Variants in BRCA2 observed in about 807,000 individuals in gnomAD.
BRCA2 encodes the protein BRCA2 DNA repair associated.
In BRCA2, 203 loss-of-function variants were observed where a neutral mutation model predicts 276.7. The observed-to-expected ratio is 0.73, with a 90% CI of 0.65 to 0.82. BRCA2 has a LOEUF of 0.82. Ranked by LOEUF, BRCA2 falls within the 40% of genes least tolerant of loss-of-function variation. The pLI is 0.00. For missense variants in BRCA2, 3,920 were observed against 3,915.0 expected, an observed-to-expected ratio of 1.00 and a Z score of -0.03; for synonymous variants, 1,289 against 1,338.4, an observed-to-expected ratio of 0.96 and a Z score of 0.81.
chr13:32,388,763 G>T (rs933169282), intron 24 of BRCA2, among the ~76,000 whole-genome samples: 1 of 150,550 alleles, frequency 6.6e-6, no homozygotes, highest in South Asian at 2.1e-4. Context: ...TATCTGTTTC[G>T]ATCCTTTTGT....
rs80359362 is a variant in BRCA2, at chr13:32,319,296, AAGAATT to A, written c.291_296del (p.Glu97_Leu98del). The stretch of plus-strand genomic sequence containing the variant: ...CTGCCGCTGTACCAATCTCCTGTAA[AAGAATT>A]AGATAAATTCAAATTAGACTTAGGT... On this transcript the variant is annotated inframe_deletion, in exon 3 of 27. Transcript: ENST00000380152. 13 of 1,613,832 alleles carry A rather than the reference AAGAATT, an allele frequency of 8.1e-6. No individual in the cohort carries two copies. The highest frequency in any genetic ancestry group is 1.1e-5 in the Non-Finnish European group (13 of 1,179,824).
intron 17 of BRCA2, 80 bp from the exon 18 acceptor site, chr13:32,363,099 C>T (rs2137579105): frequency 1.7e-6 from 2 of 1,198,774 alleles, no homozygotes; most frequent in African/African-American, 1.5e-5. Context: ...TTTTTATTCT[C>T]AGTTATTCAG....
intron 9 of BRCA2, 122 bp downstream of exon 9, chr13:32,331,152 G>A (rs1014624777): frequency 1.1e-5 from 8 of 702,210 alleles, no homozygotes; most frequent in Admixed American, 2.4e-5. Context: ...TCTGCCTCCC[G>A]TGCTCAAGCG....
chr13:32,375,084 A>G (rs2072862147), intron 20 of BRCA2, among the ~76,000 whole-genome samples: 1 of 152,212 alleles, frequency 6.6e-6, no homozygotes, highest in African/African-American at 2.4e-5. Context: ...CTTTTAAGCC[A>G]TCAGATCTTG....
rs186810431 is a variant in BRCA2 at position 32,344,639 on chromosome 13, A to C, written c.6923A>C (p.Lys2308Thr). 1 of 1,569,368 alleles carries C rather than the reference A, an allele frequency of 6.4e-7. No homozygotes were observed. Among genetic ancestry groups the C allele is most frequent in the Admixed American group, 1.7e-5 (1 of 59,864 alleles). ...CAAGAAAAATCCTTAAAGGCTTCAA[A>C]AAGCACTCCAGATGGTAAAATTAGC... ...ENQEKSLKAS[K>T]STPDGTIKDR... The change falls in exon 12 of 27, where the codon AAA becomes ACA. Residue 2308 changes from lysine to threonine, a missense_variant. Physicochemically the swap from Lys to Thr is moderately conservative, Grantham distance 78. Around this residue, in one of 2 missense-constraint regions of BRCA2, gnomAD observed 3,263 missense variants for 3,156.9 expected, o/e 1.03. Transcript: ENST00000380152.
intron 20 of BRCA2, among the ~76,000 whole-genome samples, chr13:32,371,401 C>G (rs769633775): frequency 2.0e-5 from 3 of 151,696 alleles, no homozygotes; most frequent in Non-Finnish European, 2.9e-5. Flanking sequence ...GGAACTAGGA[C>G]CTATTGTGGT....
chr13:32,385,241 CA>C (rs2072951135), intron 24 of BRCA2: 2 of 191,702 alleles, frequency 1.0e-5, no homozygotes, highest in African/African-American at 4.7e-5. Flanking sequence ...TTTAAATTAG[CA>C]ACGGGGGATC....
rs2072875390 is a variant in BRCA2 at position 32,376,733 on chromosome 13, A to G, written c.8696A>G (p.Gln2899Arg). 6.2e-7 allele frequency: 1 copy of G among 1,614,162 alleles called. No homozygotes were observed. The highest frequency in any genetic ancestry group is 1.1e-5 in the South Asian group (1 of 91,068). The change falls in exon 21 of 27, where the codon CAA becomes CGA. Residue 2899 changes from glutamine (Q) to arginine (R), a missense_variant. By Grantham distance (43) the Gln-to-Arg change is conservative. Coordinates refer to ENST00000380152, the MANE Select transcript of BRCA2 (RefSeq NM_000059.4). The part of the protein sequence containing the change: ...ALTRQQVRAL[Q>R]DGAELYEAVK... ...ACAAGACAGCAAGTTCGTGCTTTGC[A>G]AGATGGTGCAGAGCTTTATGAAGCA...
At chr13:32,382,322 G>A (rs1432824741) in intron 24 of BRCA2, among the ~76,000 whole-genome samples, 1 of 152,134 alleles carries the variant, frequency 6.6e-6, no homozygotes, top group Non-Finnish European at 1.5e-5. Context: ...AGATAGAGAC[G>A]GGAAGAGATC....
intron 24 of BRCA2, among the ~76,000 whole-genome samples, chr13:32,391,017 A>G (rs2072993340): frequency 6.6e-6 from 1 of 152,220 alleles, no homozygotes; most frequent in Non-Finnish European, 1.5e-5. Flanking sequence ...TTCAGGCCCT[A>G]AAGCTCTTAG....
Position 32,357,775 on chromosome 13 carries a change from A to C in BRCA2, c.7651A>C (p.Lys2551Gln), listed in dbSNP as rs398122587. Reference sequence around the variant, plus strand: ...GTATGGCGTTTCTAAACATTGCATAAAAATTAACAGCAAAAATGCAGAGTC... The same window carrying C: ...GTATGGCGTTTCTAAACATTGCATACAAATTAACAGCAAAAATGCAGAGTC... ...YTYGVSKHCI[K>Q]INSKNAESFQ... The change falls in exon 16 of 27, where the codon AAA (lysine) becomes CAA (glutamine). Residue 2551 changes from lysine to glutamine, a missense_variant. Lys to Gln is a moderately conservative substitution (Grantham distance 53, BLOSUM62 1). This residue lies in a region of BRCA2 where 3,263 missense variants were observed against 3,156.9 expected (regional missense o/e 1.03). Transcript: ENST00000380152. 7 of 1,613,780 alleles carry C rather than the reference A, an allele frequency of 4.3e-6. No homozygotes were observed. The highest frequency in any genetic ancestry group is 3.3e-4 in the Middle Eastern group (2 of 6,060).
chr13:32,387,866 G>T (rs999242119), intron 24 of BRCA2, among the ~76,000 whole-genome samples: 4 of 152,096 alleles, frequency 2.6e-5, no homozygotes, highest in Non-Finnish European at 4.4e-5. Flanking sequence ...CACGTGAATT[G>T]CTTCACCTTT....
chr13:32,374,760 C>T (rs2072859265), intron 20 of BRCA2, among the ~76,000 whole-genome samples: 1 of 152,210 alleles, frequency 6.6e-6, no homozygotes, highest in Non-Finnish European at 1.5e-5. Context: ...CCCACATCTT[C>T]CTGTCTTCTT....
At chr13:32,345,692 G>A (rs996478835) in intron 12 of BRCA2, among the ~76,000 whole-genome samples, 7 of 151,942 alleles carry the variant, frequency 4.6e-5, no homozygotes, top group Admixed American at 4.6e-4. Context: ...GATATCTGGG[G>A]ATAGGACTCA....
Position 32,338,366 on chromosome 13 carries a change from T to C in BRCA2, c.4011T>C (p.Asp1337=). Residue 1337 remains aspartate (D), a synonymous_variant, in exon 11 of 27, where the codon GAT becomes GAC. Coordinates refer to ENST00000380152, the MANE Select transcript of BRCA2 (RefSeq NM_000059.4). ...ASRNSHNLEF[D]GSDSSKNDTV... Reference sequence around the variant, plus strand: ...GAAATTCTCATAACTTAGAATTTGATGGCAGTGATTCAAGTAAAAATGATA... The same window carrying C: ...GAAATTCTCATAACTTAGAATTTGACGGCAGTGATTCAAGTAAAAATGATA... 1 of 1,588,034 alleles carries C rather than the reference T, an allele frequency of 6.3e-7. No individual in the cohort carries two copies. The highest frequency in any genetic ancestry group is 8.5e-7 in the Non-Finnish European group (1 of 1,169,686).
chr13:32,338,192 T>A lies in BRCA2; in HGVS notation c.3837T>A (p.Asn1279Lys), dbSNP rs1555283421. ...VVSMFKIENH[N>K]DKTVSEKNNK... ...CAATGTTTAAGATAGAAAATCATAA[T>A]GATAAAACTGTAAGTGAAAAAAATA... The change falls in exon 11 of 27, where the codon AAT (asparagine) becomes AAA (lysine). Residue 1279 changes from asparagine (N) to lysine (K), a missense_variant. By Grantham distance (94) the Asn-to-Lys change is moderately conservative. Coordinates refer to ENST00000380152, the MANE Select transcript of BRCA2 (RefSeq NM_000059.4). 1 of 1,557,670 alleles carries A rather than the reference T, an allele frequency of 6.4e-7. No homozygotes were observed. The highest frequency in any genetic ancestry group is 8.7e-7 in the Non-Finnish European group (1 of 1,151,058).
At position 32,337,437 on chromosome 13, in the gene BRCA2, A is replaced by C; in HGVS notation, c.3082A>C (p.Lys1028Gln). The part of the protein sequence containing the change: ...KLSEHNIKKS[K>Q]MFFKDIEEQY... ...CTCTGAACATAACATTAAGAAGAGC[A>C]AAATGTTCTTCAAAGATATTGAAGA... Residue 1028 changes from lysine to glutamine, a missense_variant, in exon 11 of 27, where the codon AAA becomes CAA. Physicochemically the swap from Lys to Gln is moderately conservative, Grantham distance 53 (BLOSUM62 1). Coordinates refer to ENST00000380152, the MANE Select transcript of BRCA2 (RefSeq NM_000059.4). 1 of 1,613,170 alleles carries C rather than the reference A, an allele frequency of 6.2e-7. No individual in the cohort carries two copies. Among genetic ancestry groups the C allele is most frequent in the Non-Finnish European group, 8.5e-7 (1 of 1,179,484 alleles).
intron 20 of BRCA2, among the ~76,000 whole-genome samples, chr13:32,371,984 T>G (rs2072837789): frequency 1.3e-5 from 2 of 152,230 alleles, no homozygotes; most frequent in Admixed American, 6.5e-5. Flanking sequence ...GGATCTTTCC[T>G]CAATGTTGAT....
At chr13:32,326,460 G>T (rs2137451676) in intron 6 of BRCA2, 39 bp from the exon 7 acceptor site, 2 of 1,502,920 alleles carry the variant, frequency 1.3e-6, no homozygotes, top group Non-Finnish European at 1.9e-6. Context: ...AATGATCAGG[G>T]CATTTCTATA....
Sources: allele counts gnomAD v4.1 joint callset (sites outside exome capture counted in the v4.1 genomes callset), GRCh38; gene constraint gnomAD v4.1.1; regional missense constraint gnomAD v4.1.1; transcripts MANE v1.5; gene names NCBI Gene and HGNC (gene_info 2026-07-23, HGNC 2026-07-21).